Variants in HS3ST4 observed in about 807,000 individuals in gnomAD.
HS3ST4 encodes the protein heparan sulfate glucosamine 3-O-sulfotransferase 4.
A neutral mutation model predicts 29.2 loss-of-function variants in HS3ST4; 17 were observed. The observed-to-expected ratio is 0.58, with a 90% confidence interval of 0.40 to 0.87. The LOEUF (loss-of-function observed/expected upper bound fraction) is 0.87, where lower values mean the gene tolerates loss of function less well. Among genes scored for constraint, HS3ST4 ranks in the 40% least tolerant of loss-of-function variants. The pLI, the probability that HS3ST4 is intolerant of heterozygous loss-of-function variation, is 0.00. For missense variants in HS3ST4, 627 were observed against 634.5 expected (o/e 0.99, Z 0.13); for synonymous variants, 314 against 285.7 (o/e 1.10, Z -1.00).
intron 1 of HS3ST4, among the ~76,000 whole-genome samples, chr16:26,018,603 AG>A (rs1209259431): frequency 1.3e-5 from 2 of 152,154 alleles, no homozygotes. Flanking sequence ...AGATTTTTCC[AG>A]GTCAACAGAG....
At chr16:26,036,741 G>A (rs1330971950) in intron 1 of HS3ST4, among the ~76,000 whole-genome samples, 4 of 152,112 alleles carry the variant, frequency 2.6e-5, no homozygotes, top group Non-Finnish European at 4.4e-5. Context: ...GCTCAAATGT[G>A]GCATATAAAA....
intron 1 of HS3ST4, among the ~76,000 whole-genome samples, chr16:25,695,736 T>C (rs1314000750): frequency 6.6e-6 from 1 of 152,266 alleles, no homozygotes; most frequent in Non-Finnish European, 1.5e-5. Context: ...AGTTCCTTCC[T>C]ATAACAGGTA....
chr16:25,773,137 A>G (rs746732784), intron 1 of HS3ST4, among the ~76,000 whole-genome samples: 20 of 152,192 alleles, frequency 1.3e-4, no homozygotes, highest in Admixed American at 3.9e-4. Flanking sequence ...ACTAAATGTC[A>G]CACAAAACTG....
At chr16:25,719,391 A>G (rs915647262) in intron 1 of HS3ST4, among the ~76,000 whole-genome samples, 1 of 152,070 alleles carries the variant, frequency 6.6e-6, no homozygotes, top group African/African-American at 2.4e-5. Flanking sequence ...GACAATCACA[A>G]TTTAGCTTAA....
chr16:26,078,171 C>T lies in HS3ST4; in HGVS notation c.735-57441C>T, dbSNP rs191604386. Among the ~76,000 whole-genome samples, 224 of 152,258 alleles carry T rather than the reference C, an allele frequency of 1.5e-3. 1 individual carries two copies. The highest frequency in any genetic ancestry group is 5.0e-3 in the African/African-American group (207 of 41,546). On this transcript the variant is annotated intron_variant, in intron 1 of 1. Coordinates refer to ENST00000331351, the MANE Select transcript of HS3ST4 (RefSeq NM_006040.3). ...TTTATTTATTTTTGAGATGGAGTCT[C>T]ACTGTGTCCCTCAGGCTGGAGTGCA... is the stretch of plus-strand genomic sequence containing the variant.
intron 1 of HS3ST4, among the ~76,000 whole-genome samples, chr16:26,102,337 C>G (rs1473866652): frequency 6.6e-6 from 1 of 152,008 alleles, no homozygotes; most frequent in African/African-American, 2.4e-5. Context: ...GATATTTCTT[C>G]CCTACTGGGA....
intron 1 of HS3ST4, among the ~76,000 whole-genome samples, chr16:25,884,786 G>C (rs1967932110): frequency 6.6e-6 from 1 of 152,064 alleles, no homozygotes. Context: ...GGCTGGTCTC[G>C]AACTTCTGAC....
intron 1 of HS3ST4, among the ~76,000 whole-genome samples, chr16:26,025,798 A>G (rs1190322150): frequency 6.6e-6 from 1 of 152,148 alleles, no homozygotes; most frequent in Non-Finnish European, 1.5e-5. Context: ...TTGTTTTGAG[A>G]TGGAGTCTCA....
At chr16:25,731,253 A>G (rs1465853746) in intron 1 of HS3ST4, among the ~76,000 whole-genome samples, 1 of 152,228 alleles carries the variant, frequency 6.6e-6, no homozygotes, top group Non-Finnish European at 1.5e-5. Flanking sequence ...CCCTACATGA[A>G]CAAAAACAGC....
At chr16:26,047,984 C>A (rs1210178454) in intron 1 of HS3ST4, among the ~76,000 whole-genome samples, 1 of 152,180 alleles carries the variant, frequency 6.6e-6, no homozygotes, top group Non-Finnish European at 1.5e-5. Context: ...AGATGTGAGG[C>A]AATCACCTGA....
intron 1 of HS3ST4, among the ~76,000 whole-genome samples, chr16:25,702,119 C>T (rs939023462): frequency 6.6e-6 from 1 of 152,076 alleles, no homozygotes; most frequent in African/African-American, 2.4e-5. Context: ...AACCATTGTT[C>T]AGGACTTATT....
intron 1 of HS3ST4, among the ~76,000 whole-genome samples, chr16:25,750,431 A>G (rs1198928392): frequency 2.6e-5 from 4 of 152,222 alleles, no homozygotes; most frequent in East Asian, 1.9e-4. Context: ...CTCATTTTCC[A>G]TGGGAGAAAT....
chr16:25,705,193 C>T (rs1230304791), intron 1 of HS3ST4, among the ~76,000 whole-genome samples: 3 of 152,124 alleles, frequency 2.0e-5, no homozygotes, highest in Non-Finnish European at 4.4e-5. Context: ...GACACGGGGG[C>T]CCCCTGTTTG....
At chr16:25,716,626 C>G (rs1331359641) in intron 1 of HS3ST4, among the ~76,000 whole-genome samples, 1 of 152,216 alleles carries the variant, frequency 6.6e-6, no homozygotes, top group African/African-American at 2.4e-5. Context: ...TTCAGTTGCT[C>G]TTAGCTAAAC....
At chr16:25,824,419 C>T (rs1967196140) in intron 1 of HS3ST4, among the ~76,000 whole-genome samples, 1 of 152,170 alleles carries the variant, frequency 6.6e-6, no homozygotes, top group South Asian at 2.1e-4. Context: ...ACTCACAGTT[C>T]CACATGGCTT....
intron 1 of HS3ST4, among the ~76,000 whole-genome samples, chr16:25,892,484 T>C (rs939271731): frequency 6.6e-6 from 1 of 152,234 alleles, no homozygotes; most frequent in Non-Finnish European, 1.5e-5. Context: ...GACAGCAGCC[T>C]ACGCCATTGT....
chr16:26,010,484 A>G (rs1969300443), intron 1 of HS3ST4, among the ~76,000 whole-genome samples: 1 of 150,666 alleles, frequency 6.6e-6, no homozygotes, highest in African/African-American at 2.5e-5. Flanking sequence ...AAAGAAAAAA[A>G]AAATGAAAAT....
chr16:25,979,666 C>A (rs576359883), intron 1 of HS3ST4, among the ~76,000 whole-genome samples: 2 of 152,080 alleles, frequency 1.3e-5, no homozygotes, highest in African/African-American at 2.4e-5. Flanking sequence ...TATATTACAA[C>A]GTAAAATAGA....
chr16:26,062,125 G>A (rs966505540), intron 1 of HS3ST4, among the ~76,000 whole-genome samples: 15 of 152,140 alleles, frequency 9.9e-5, no homozygotes, highest in African/African-American at 3.6e-4. Context: ...CTTTGAGTGG[G>A]TAAAACAGCA....
Sources: allele counts gnomAD v4.1 joint callset (sites outside exome capture counted in the v4.1 genomes callset), GRCh38; gene constraint gnomAD v4.1.1; transcripts MANE v1.5; gene names NCBI Gene and HGNC (gene_info 2026-07-23, HGNC 2026-07-21).